Variants in CSRNP3 observed in about 807,000 individuals in gnomAD.
CSRNP3 encodes the protein cysteine and serine rich nuclear protein 3.
CSRNP3 carries 12 observed loss-of-function variants against 48.0 expected under a neutral mutation model. That is an observed-to-expected ratio of 0.25 (90% CI 0.16 to 0.41). The LOEUF (loss-of-function observed/expected upper bound fraction) is 0.41. Among genes scored for constraint, CSRNP3 ranks in the 10% least tolerant of loss-of-function variants. The probability of loss-of-function intolerance (pLI) is 1.00; values close to 1 mark genes in which losing one functional copy is unlikely to be tolerated. For missense variants in CSRNP3, 580 were observed against 724.4 expected (o/e 0.80, Z 2.29); for synonymous variants, 263 against 269.7 (o/e 0.98, Z 0.24).
intron 2 of CSRNP3, among the ~76,000 whole-genome samples, chr2:165,511,055 A>G (rs1397467084): frequency 1.3e-5 from 2 of 152,200 alleles, no homozygotes; most frequent in Admixed American, 1.3e-4. Context: ...CCAAGTGAAG[A>G]AATACATCAA....
At chr2:165,520,769 AT>A (rs1327851688) in intron 3 of CSRNP3, among the ~76,000 whole-genome samples, 3 of 49,360 alleles carry the variant, frequency 6.1e-5, no homozygotes, top group Admixed American at 5.8e-4. Context: ...ATAGAAATAT[AT>A]TATATATATA....
chr2:165,539,112 C>G (rs1684919935), intron 3 of CSRNP3, among the ~76,000 whole-genome samples: 1 of 151,882 alleles, frequency 6.6e-6, no homozygotes, highest in Non-Finnish European at 1.5e-5. Flanking sequence ...TTATGCAACC[C>G]TTTGCATTCA....
chr2:165,499,169 C>A (rs562397558), intron 2 of CSRNP3, among the ~76,000 whole-genome samples: 26 of 152,260 alleles, frequency 1.7e-4, no homozygotes, highest in African/African-American at 6.0e-4. Flanking sequence ...ATTCTACTAA[C>A]CATCTTCAAA....
At chr2:165,496,512 G>T (rs1684285318) in intron 2 of CSRNP3, among the ~76,000 whole-genome samples, 1 of 151,962 alleles carries the variant, frequency 6.6e-6, no homozygotes, top group Admixed American at 6.6e-5. Flanking sequence ...AAGCTGGAGA[G>T]AATGAGTCCA....
At chr2:165,644,681 C>T (rs940745553) in intron 4 of CSRNP3, among the ~76,000 whole-genome samples, 1 of 152,112 alleles carries the variant, frequency 6.6e-6, no homozygotes, top group Non-Finnish European at 1.5e-5. Flanking sequence ...ATCCTAGGGA[C>T]TCTGTGGAAG....
At chr2:165,592,759 C>T (rs1373538722) in intron 3 of CSRNP3, among the ~76,000 whole-genome samples, 1 of 151,774 alleles carries the variant, frequency 6.6e-6, no homozygotes, top group Non-Finnish European at 1.5e-5. Flanking sequence ...TTCTTGAGGC[C>T]TCCCCAGCCA....
intron 3 of CSRNP3, among the ~76,000 whole-genome samples, chr2:165,543,378 A>C (rs1204063902): frequency 6.6e-6 from 1 of 152,196 alleles, no homozygotes; most frequent in Non-Finnish European, 1.5e-5. Flanking sequence ...CATAAAAGTT[A>C]AACATATTTA....
At chr2:165,481,488 C>T (rs1684042399) in intron 1 of CSRNP3, among the ~76,000 whole-genome samples, 1 of 152,128 alleles carries the variant, frequency 6.6e-6, no homozygotes, top group Admixed American at 6.5e-5. Flanking sequence ...ATCACACCCA[C>T]CCACCAAAAG....
chr2:165,553,689 T>A (rs1235003004), intron 3 of CSRNP3, among the ~76,000 whole-genome samples: 1 of 152,140 alleles, frequency 6.6e-6, no homozygotes, highest in Non-Finnish European at 1.5e-5. Flanking sequence ...TCCCACAAAA[T>A]TTCTACCTTC....
intron 3 of CSRNP3, among the ~76,000 whole-genome samples, chr2:165,560,881 CTGTT>C (rs961047768): frequency 2.6e-5 from 4 of 152,134 alleles, no homozygotes; most frequent in Admixed American, 2.0e-4. Context: ...TCGCTTTAAA[CTGTT>C]TGTTTCACTA....
intron 4 of CSRNP3, among the ~76,000 whole-genome samples, chr2:165,652,541 T>A (rs1442185807): frequency 6.6e-6 from 1 of 151,970 alleles, no homozygotes; most frequent in East Asian, 1.9e-4. Flanking sequence ...GACTAATTAT[T>A]TTTATTCATT....
chr2:165,560,662 G>A (rs1422948087), intron 3 of CSRNP3, among the ~76,000 whole-genome samples: 1 of 152,204 alleles, frequency 6.6e-6, no homozygotes, highest in African/African-American at 2.4e-5. Context: ...ACCAAATGGA[G>A]TTTGAGTTAT....
chr2:165,583,487 T>C, intron 3 of CSRNP3, among the ~76,000 whole-genome samples: 1 of 152,188 alleles, frequency 6.6e-6, no homozygotes, highest in Non-Finnish European at 1.5e-5. Flanking sequence ...GGAAGCATAG[T>C]ATAGATGTAT....
intron 4 of CSRNP3, among the ~76,000 whole-genome samples, chr2:165,655,597 A>G (rs1032820871): frequency 6.6e-6 from 1 of 152,298 alleles, no homozygotes; most frequent in African/African-American, 2.4e-5. Context: ...TCCCGTAAAA[A>G]TGACGACAAA....
chr2:165,582,046 A>G (rs1685557324), intron 3 of CSRNP3, among the ~76,000 whole-genome samples: 1 of 152,208 alleles, frequency 6.6e-6, no homozygotes, highest in African/African-American at 2.4e-5. Flanking sequence ...GGATTATAAT[A>G]CAGTCTAATA....
chr2:165,544,821 A>T (rs1456676582), intron 3 of CSRNP3, among the ~76,000 whole-genome samples: 1 of 152,216 alleles, frequency 6.6e-6, no homozygotes, highest in African/African-American at 2.4e-5. Context: ...CATCGTCATG[A>T]AAATGATGCC....
At chr2:165,667,897 G>A (rs1309506395) in intron 5 of CSRNP3, among the ~76,000 whole-genome samples, 1 of 152,170 alleles carries the variant, frequency 6.6e-6, no homozygotes, top group East Asian at 1.9e-4. Context: ...TGGCAGAACT[G>A]TTGTACATCT....
In CSRNP3 at chr2:165,683,489, T is replaced by G. The variant is rs113370417; in HGVS notation, c.*3736T>G. ...CTAATAGATGACTTCTAGGCAAAATTTTGGTATGATTACCATTAAACAGGA... is the reference window on the plus strand; with the variant it reads ...CTAATAGATGACTTCTAGGCAAAATGTTGGTATGATTACCATTAAACAGGA... On this transcript the variant is annotated 3_prime_UTR_variant, in exon 7 of 7. Coordinates refer to ENST00000651982, the MANE Select transcript of CSRNP3 (RefSeq NM_001172173.2). 6.6e-6 allele frequency: 1 copy of G among 152,128 alleles called. No individual in the cohort carries two copies. Among genetic ancestry groups the G allele is most frequent in the Non-Finnish European group, 1.5e-5 (1 of 67,990 alleles). The allele number at this position is 152,128 out of a possible 1,614,324, so 9.4% of individuals were successfully genotyped here.
intron 3 of CSRNP3, among the ~76,000 whole-genome samples, chr2:165,548,603 T>C (rs1338430552): frequency 6.6e-6 from 1 of 152,084 alleles, no homozygotes; most frequent in Non-Finnish European, 1.5e-5. Flanking sequence ...AAGTGTTGTG[T>C]ATAACATAAA....
Sources: gnomAD v4.1 joint callset for allele counts (sites outside exome capture counted in the v4.1 genomes callset) on GRCh38, gnomAD v4.1.1 for gene constraint, MANE v1.5 for transcripts, NCBI Gene and HGNC (gene_info 2026-07-23, HGNC 2026-07-21) for gene names.